The following TMEM163 variants were observed in gnomAD, a reference collection of about 807,000 sequenced individuals.
The protein encoded by TMEM163 is transmembrane protein 163.
In TMEM163, 17 loss-of-function variants were observed where a neutral mutation model predicts 29.3. The observed-to-expected ratio is 0.58, with a 90% CI of 0.40 to 0.87. The LOEUF is 0.87. Among genes scored for constraint, TMEM163 ranks in the 40% least tolerant of loss-of-function variants. TMEM163 has a pLI of 0.00. For synonymous variants in TMEM163, 157 were observed against 160.6 expected (o/e 0.98, Z 0.17); for missense variants, 303 against 381.5 (o/e 0.79, Z 1.71).
chr2:134,618,810 CAAA>C, intron 2 of TMEM163, among the ~76,000 whole-genome samples: 1 of 152,056 alleles, frequency 6.6e-6, no homozygotes, highest in Admixed American at 6.5e-5. Flanking sequence ...TGAATGAAAA[CAAA>C]AACACAACAT....
At chr2:134,693,530 G>A (rs1684518576) in intron 2 of TMEM163, among the ~76,000 whole-genome samples, 1 of 149,658 alleles carries the variant, frequency 6.7e-6, no homozygotes, top group Admixed American at 6.7e-5. Flanking sequence ...AATTGCTTGA[G>A]CCCAAGAGGC....
intron 4 of TMEM163, among the ~76,000 whole-genome samples, chr2:134,510,625 G>A (rs1193591616): frequency 6.6e-6 from 1 of 152,196 alleles, no homozygotes; most frequent in Non-Finnish European, 1.5e-5. Context: ...CACAGGCAGA[G>A]GAGGAGAAGG....
intron 6 of TMEM163, 86 bp downstream of exon 6, chr2:134,466,028 A>G (rs1216713594): frequency 1.1e-6 from 1 of 950,520 alleles, no homozygotes; most frequent in African/African-American, 1.7e-5. Flanking sequence ...TTCTCCAGCA[A>G]GGGAAACAAC....
chr2:134,662,008 T>C (rs1683765470), intron 2 of TMEM163, among the ~76,000 whole-genome samples: 2 of 146,226 alleles, frequency 1.4e-5, no homozygotes, highest in Admixed American at 1.4e-4. Flanking sequence ...CTAGGCTCAC[T>C]GTAAGCTCCA....
chr2:134,514,404 TTTTA>T (rs1470806699), intron 4 of TMEM163, among the ~76,000 whole-genome samples: 18,761 of 112,870 alleles, frequency 0.17, 1,357 homozygotes, highest in East Asian at 0.47. Flanking sequence ...TTTTTTTTTT[TTTTA>T]AAAAAAGAGG....
chr2:134,498,150 G>A (rs2014685), intron 5 of TMEM163, among the ~76,000 whole-genome samples: 20,210 of 152,150 alleles, frequency 0.13, 1,686 homozygotes, highest in Middle Eastern at 0.3. Context: ...CAGGGTGACT[G>A]CATGACTTGC....
In TMEM163 at chr2:134,655,731, G is replaced by A. The variant is rs1219226544; in HGVS notation, c.322+57469C>T. ...TGATGTACAGATGGGTTTTCGGTGCGGATGTCCTTTCTGTTTGTTAGTTTT... is the reference window on the plus strand; with the variant it reads ...TGATGTACAGATGGGTTTTCGGTGCAGATGTCCTTTCTGTTTGTTAGTTTT... On this transcript the variant is annotated intron_variant, in intron 2 of 7. Transcript: ENST00000281924. Among the ~76,000 whole-genome samples the A allele has an allele frequency of 9.9e-5, 14 of 141,654 alleles. 1 individual carries two copies. Among genetic ancestry groups the A allele is most frequent in the Admixed American group, 2.1e-4 (3 of 14,430 alleles). 92.9% of individuals were successfully genotyped at this position (141,654 alleles called of 152,430 possible).
intron 4 of TMEM163, among the ~76,000 whole-genome samples, chr2:134,538,604 T>C (rs1191455549): frequency 6.7e-6 from 1 of 148,734 alleles, no homozygotes; most frequent in Non-Finnish European, 1.5e-5. Context: ...GGCATATCCA[T>C]ACAATGGAAC....
intron 2 of TMEM163, among the ~76,000 whole-genome samples, chr2:134,694,955 A>G (rs773422575): frequency 5.3e-4 from 81 of 152,260 alleles, no homozygotes; most frequent in Non-Finnish European, 8.8e-5. Flanking sequence ...CTGGAAAGAA[A>G]AAAACTGGTG....
At chr2:134,627,725 T>C (rs1248744920) in intron 2 of TMEM163, among the ~76,000 whole-genome samples, 1 of 152,210 alleles carries the variant, frequency 6.6e-6, no homozygotes, top group Non-Finnish European at 1.5e-5. Context: ...TACTGCCTGG[T>C]CCTTTACAGA....
chr2:134,673,935 C>T (rs368042358), intron 2 of TMEM163, among the ~76,000 whole-genome samples: 1 of 152,196 alleles, frequency 6.6e-6, no homozygotes, highest in Non-Finnish European at 1.5e-5. Context: ...GAAACTAATA[C>T]AAATTACTAT....
At chr2:134,680,834 G>A (rs13391832) in intron 2 of TMEM163, among the ~76,000 whole-genome samples, 44,347 of 152,032 alleles carry the variant, frequency 0.29, 8,736 homozygotes, top group African/African-American at 0.55. Context: ...AGCTGTGATC[G>A]TGGGCAAGTT....
At chr2:134,678,264 G>C (rs146569802) in intron 2 of TMEM163, among the ~76,000 whole-genome samples, 190 of 152,270 alleles carry the variant, frequency 1.2e-3, no homozygotes, top group African/African-American at 4.3e-3. Flanking sequence ...GGGTGCGAGC[G>C]CCAGGACAGG....
At chr2:134,693,423 A>G (rs139407245) in intron 2 of TMEM163, among the ~76,000 whole-genome samples, 321 of 152,184 alleles carry the variant, frequency 2.1e-3, no homozygotes, top group Non-Finnish European at 3.3e-3. Flanking sequence ...CCTGGCCAAC[A>G]TGGCGAAACC....
chr2:134,523,184 TGA>T (rs919100639), intron 4 of TMEM163, among the ~76,000 whole-genome samples: 1 of 152,106 alleles, frequency 6.6e-6, no homozygotes, highest in Non-Finnish European at 1.5e-5. Context: ...TTCAAAACAG[TGA>T]GAGAGACATG....
At chr2:134,583,316 T>G (rs1254596763) in intron 2 of TMEM163, among the ~76,000 whole-genome samples, 8 of 152,222 alleles carry the variant, frequency 5.3e-5, no homozygotes, top group African/African-American at 1.2e-4. Flanking sequence ...ATGGACACAT[T>G]TAGACCCACA....
intron 4 of TMEM163, among the ~76,000 whole-genome samples, chr2:134,541,973 C>A (rs1369340598): frequency 1.3e-5 from 2 of 152,132 alleles, no homozygotes; most frequent in African/African-American, 4.8e-5. Context: ...AGACCATGGG[C>A]GGGGGTGGGA....
chr2:134,664,881 A>ATTTTG (rs1481775160), intron 2 of TMEM163, among the ~76,000 whole-genome samples: 3 of 151,206 alleles, frequency 2.0e-5, no homozygotes, highest in East Asian at 1.9e-4. Flanking sequence ...GTTTTGTTTT[A>ATTTTG]TTTTGTTTTG....
intron 2 of TMEM163, among the ~76,000 whole-genome samples, chr2:134,694,745 C>CATT (rs1684542325): frequency 6.6e-6 from 1 of 152,188 alleles, no homozygotes; most frequent in African/African-American, 2.4e-5. Flanking sequence ...ACTATATACA[C>CATT]ACATTATTCT....
Sources: gnomAD v4.1 joint callset for allele counts (sites outside exome capture counted in the v4.1 genomes callset) on GRCh38, gnomAD v4.1.1 for gene constraint, MANE v1.5 for transcripts, NCBI Gene and HGNC (gene_info 2026-07-23, HGNC 2026-07-21) for gene names.